BIRC6: variants seen among roughly 807,000 people sequenced by gnomAD.
The protein encoded by BIRC6 is dual E2 ubiquitin-conjugating enzyme/E3 ubiquitin-protein ligase BIRC6.
BIRC6 carries 98 observed loss-of-function variants against 503.3 expected under a neutral mutation model. The observed-to-expected ratio is 0.19, with a 90% confidence interval of 0.17 to 0.23. The LOEUF (loss-of-function observed/expected upper bound fraction) is 0.23. BIRC6 is among the 10% of genes least tolerant of loss of function. BIRC6 has a pLI of 1.00. For missense variants in BIRC6, 5,360 were observed against 5,806.0 expected, an observed-to-expected ratio of 0.92 and a Z score of 2.50; for synonymous variants, 2,240 against 2,078.7, an observed-to-expected ratio of 1.08 and a Z score of -2.11.
intron 12 of BIRC6, among the ~76,000 whole-genome samples, chr2:32,433,073 CA>C (rs750921480): frequency 3.9e-5 from 6 of 152,222 alleles, no homozygotes; most frequent in South Asian, 2.1e-4. Context: ...TATTGTGTGA[CA>C]GGGGAGAATA....
At chr2:32,532,236 C>A in intron 61 of BIRC6, 1 of 529,610 alleles carries the variant, frequency 1.9e-6, no homozygotes, top group Non-Finnish European at 3.9e-6. Context: ...CAAAATACCA[C>A]AAACGGGCTG....
intron 33 of BIRC6, among the ~76,000 whole-genome samples, chr2:32,475,810 A>G (rs531931284): frequency 2.0e-5 from 3 of 152,318 alleles, no homozygotes; most frequent in African/African-American, 4.8e-5. Context: ...AATAAAAAAT[A>G]TAGACATACC....
chr2:32,490,705 G>T (rs572179405), intron 43 of BIRC6, among the ~76,000 whole-genome samples: 2 of 152,114 alleles, frequency 1.3e-5, no homozygotes, highest in South Asian at 4.2e-4. Context: ...TGCTTTTAGA[G>T]TACAAAGGCA....
intron 72 of BIRC6, among the ~76,000 whole-genome samples, chr2:32,610,772 T>A (rs2062814249): frequency 6.6e-6 from 1 of 152,140 alleles, no homozygotes; most frequent in Non-Finnish European, 1.5e-5. Flanking sequence ...CCTCCTCTCT[T>A]CTTTTCTTTT....
intron 65 of BIRC6, among the ~76,000 whole-genome samples, chr2:32,556,652 T>TA (rs1214473726): frequency 2.6e-5 from 4 of 152,220 alleles, no homozygotes; most frequent in Admixed American, 6.5e-5. Context: ...TGAAATGCTT[T>TA]AAAAAAGTCC....
Position 32,380,140 on chromosome 2 carries a change from A to AT in BIRC6, c.508-7dup, listed in dbSNP as rs759929984. 5 of 1,469,308 alleles carry AT rather than the reference A, an allele frequency of 3.4e-6. No homozygotes were observed. The Middle Eastern group carries it at 5.5e-4, about 162-fold the overall frequency. The allele number at this position is 1,469,308 out of a possible 1,614,324, so 91.0% of individuals were successfully genotyped here. On this transcript the variant is annotated splice_polypyrimidine_tract_variant and intron_variant, in intron 2 of 73. Coordinates refer to ENST00000421745, the MANE Select transcript of BIRC6 (RefSeq NM_016252.4). ...ATTTTCTGTGATTTTTTTATTTTTT[A>AT]TTTTTTATTTAGGCACAGCAGCTCT...
intron 39 of BIRC6, among the ~76,000 whole-genome samples, chr2:32,483,040 C>A (rs2050586204): frequency 6.6e-6 from 1 of 151,592 alleles, no homozygotes; most frequent in African/African-American, 2.4e-5. Context: ...GCCTCAGCCT[C>A]TTGAGTAGCT....
chr2:32,508,129 C>T lies in BIRC6; in HGVS notation c.9850C>T (p.Arg3284Cys), dbSNP rs374958918. 6 of 1,613,864 alleles carry T rather than the reference C, an allele frequency of 3.7e-6. No individual in the cohort carries two copies. Among genetic ancestry groups the T allele is most frequent in the Non-Finnish European group, 5.1e-6 (6 of 1,179,866 alleles). ...VASAVCLRLH[R>C]PRDASTLGLS... ...TTCTGCTGTCTGCCTTAGACTACAT[C>T]GTCCACGGGATGCCAGCACATTAGG... is the stretch of plus-strand genomic sequence containing the variant. Residue 3284 changes from arginine (R) to cysteine (C), a missense_variant, in exon 51 of 74, where the codon CGT becomes TGT. Transcript: ENST00000421745.
intron 8 of BIRC6, among the ~76,000 whole-genome samples, chr2:32,406,066 A>T (rs376158442): frequency 8.5e-5 from 13 of 152,114 alleles, no homozygotes; most frequent in East Asian, 7.7e-4. Flanking sequence ...TATTTTAATT[A>T]TATGGTTGAG....
rs147770112 is a variant in BIRC6, at chr2:32,556,747, G to A, written c.13144+7266G>A. Among the ~76,000 whole-genome samples, 649 of 152,184 alleles carry A rather than the reference G, an allele frequency of 4.3e-3. 5 individuals carry two copies. The highest frequency in any genetic ancestry group is 0.015 in the African/African-American group (610 of 41,518). Reference sequence around the variant, plus strand: ...GTGGATCACCTGAGGTCAGGAGTTCGAGCCCGGCCTGGCCAACATAGCAAA... The same window carrying A: ...GTGGATCACCTGAGGTCAGGAGTTCAAGCCCGGCCTGGCCAACATAGCAAA... On this transcript the variant is annotated intron_variant, in intron 65 of 73. Coordinates refer to ENST00000421745, the MANE Select transcript of BIRC6 (RefSeq NM_016252.4).
At chr2:32,605,283 C>T (rs1458617817) in intron 71 of BIRC6, among the ~76,000 whole-genome samples, 2 of 152,136 alleles carry the variant, frequency 1.3e-5, no homozygotes, top group African/African-American at 4.8e-5. Flanking sequence ...GTGGGCTTTG[C>T]TTTGCTGTTT....
chr2:32,456,039 T>C (rs1224688734), intron 23 of BIRC6, among the ~76,000 whole-genome samples: 1 of 152,224 alleles, frequency 6.6e-6, no homozygotes, highest in Non-Finnish European at 1.5e-5. Context: ...CAGTTTATCA[T>C]GATACACATT....
At chr2:32,513,190 G>C in intron 54 of BIRC6, 36 bp downstream of exon 54, 1 of 1,498,718 alleles carries the variant, frequency 6.7e-7, no homozygotes, top group South Asian at 1.1e-5. Flanking sequence ...TTATCCCCCA[G>C]TACTAGATCA....
At chr2:32,392,214 CA>C in intron 5 of BIRC6, 64 bp downstream of exon 5, 1 of 1,157,586 alleles carries the variant, frequency 8.6e-7, no homozygotes, top group South Asian at 1.4e-5. Flanking sequence ...GCAAAATTAT[CA>C]CATTTTTTTA....
In BIRC6 at chr2:32,538,404, G is replaced by A. The variant is rs144494157; in HGVS notation, c.12292-4837G>A. Among the ~76,000 whole-genome samples the A allele has an allele frequency of 8.1e-3, 1,226 of 152,096 alleles. 15 individuals are homozygous for A. Among genetic ancestry groups the A allele is most frequent in the Non-Finnish European group, 9.0e-3 (613 of 67,986 alleles). On this transcript the variant is annotated intron_variant, in intron 61 of 73. Transcript: ENST00000421745. ...TTTAGTCCTGCTCAGAGATAAAAAT[G>A]TTGGCTTTTCCATTGGAATTCCAAA...
chr2:32,502,730 G>T, intron 47 of BIRC6, 65 bp from the exon 48 acceptor site: 1 of 1,195,856 alleles, frequency 8.4e-7, no homozygotes, highest in African/African-American at 1.5e-5. Flanking sequence ...AATATTACAT[G>T]CATTGAGTTT....
At chr2:32,365,230 A>T (rs995314615) in intron 1 of BIRC6, among the ~76,000 whole-genome samples, 1 of 152,172 alleles carries the variant, frequency 6.6e-6, no homozygotes, top group Non-Finnish European at 1.5e-5. Context: ...TCTGTGCTTC[A>T]TAATTAGTAC....
intron 70 of BIRC6, among the ~76,000 whole-genome samples, chr2:32,600,154 C>T (rs1455959524): frequency 6.6e-6 from 1 of 152,128 alleles, no homozygotes; most frequent in East Asian, 1.9e-4. Flanking sequence ...ATGATACATG[C>T]TATTAGGAAC....
intron 61 of BIRC6, among the ~76,000 whole-genome samples, chr2:32,535,138 C>A (rs1262507690): frequency 7.7e-6 from 1 of 129,452 alleles, no homozygotes; most frequent in East Asian, 2.2e-4. Context: ...AGACCTCATA[C>A]CCCCAAAAAA....
Sources: gnomAD v4.1 joint callset for allele counts (sites outside exome capture counted in the v4.1 genomes callset) on GRCh38, gnomAD v4.1.1 for gene constraint, MANE v1.5 for transcripts, NCBI Gene and HGNC (gene_info 2026-07-23, HGNC 2026-07-21) for gene names.